Variants in CBLB observed in about 807,000 individuals in gnomAD.
CBLB encodes Cbl proto-oncogene B.
CBLB carries 31 observed loss-of-function variants against 104.9 expected under a neutral mutation model. The ratio of observed to expected loss-of-function variants is 0.30; its 90% CI spans 0.22 to 0.40. The LOEUF is 0.40. Ranked by LOEUF, CBLB falls within the 10% of genes least tolerant of loss-of-function variation. CBLB has a pLI of 1.00. For synonymous variants in CBLB, 440 were observed against 422.6 expected (o/e 1.04, Z -0.51); for missense variants, 1,062 against 1,214.6 (o/e 0.87, Z 1.87).
At chr3:105,830,449 G>A (rs567368525) in intron 3 of CBLB, among the ~76,000 whole-genome samples, 59 of 152,194 alleles carry the variant, frequency 3.9e-4, no homozygotes, top group East Asian at 3.1e-3. Flanking sequence ...TTGGTAACCC[G>A]GATACAGAAT....
chr3:105,799,904 T>A (rs2082646317), intron 3 of CBLB, among the ~76,000 whole-genome samples: 1 of 152,220 alleles, frequency 6.6e-6, no homozygotes, highest in Non-Finnish European at 1.5e-5. Context: ...ATCTTAGTCA[T>A]GTCCTTTCAT....
chr3:105,664,710 G>T (rs2064177101), intron 18 of CBLB, among the ~76,000 whole-genome samples: 1 of 152,192 alleles, frequency 6.6e-6, no homozygotes, highest in South Asian at 2.1e-4. Context: ...GAGAACCAGA[G>T]ATCGATTTCG....
At chr3:105,791,061 T>A (rs2081576150) in intron 3 of CBLB, among the ~76,000 whole-genome samples, 1 of 152,192 alleles carries the variant, frequency 6.6e-6, no homozygotes, top group African/African-American at 2.4e-5. Flanking sequence ...ATTTAATCAT[T>A]AGGAATTCTT....
intron 3 of CBLB, among the ~76,000 whole-genome samples, chr3:105,832,020 GAAATTTT>G (rs1056021186): frequency 2.4e-4 from 37 of 151,898 alleles, no homozygotes; most frequent in African/African-American, 8.7e-4. Flanking sequence ...GATACAACAG[GAAATTTT>G]AAAAAAAAAT....
chr3:105,709,784 C>T (rs937601949), intron 10 of CBLB, among the ~76,000 whole-genome samples: 3 of 151,744 alleles, frequency 2.0e-5, no homozygotes, highest in South Asian at 2.1e-4. Context: ...GACATGTAAC[C>T]GTGTCGAATT....
chr3:105,827,241 C>T (rs199828175), intron 3 of CBLB, among the ~76,000 whole-genome samples: 3 of 151,292 alleles, frequency 2.0e-5, no homozygotes, highest in Admixed American at 6.6e-5. Context: ...GAGTAAATGA[C>T]GTAAGTAACC....
chr3:105,708,545 T>A (rs1373386766), intron 10 of CBLB, among the ~76,000 whole-genome samples: 1 of 151,776 alleles, frequency 6.6e-6, no homozygotes, highest in Non-Finnish European at 1.5e-5. Context: ...AAAGAACAAT[T>A]TTTTTTTGCA....
rs1434340743 is a variant in CBLB at position 105,702,297 on chromosome 3, G to A, written c.1756C>T (p.Pro586Ser). The A allele has an allele frequency of 7.4e-6, 12 of 1,613,844 alleles. No homozygotes were observed. The highest frequency in any genetic ancestry group is 2.2e-5 in the East Asian group (1 of 44,862). ...HHVESVPSRD[P>S]PMPLEAWCPR... ...CACCATGCTTCAAGAGGCATTGGCG[G>A]GTCTCTGGAAGGCACGCTTTCCACA... Residue 586 changes from proline (P) to serine (S), a missense_variant, in exon 12 of 19, where the codon CCG becomes TCG. By Grantham distance (74) the Pro-to-Ser change is moderately conservative (BLOSUM62 -1). Coordinates refer to ENST00000394030, the MANE Select transcript of CBLB (RefSeq NM_170662.5).
chr3:105,681,998 GTAAA>G (rs2066379237), intron 14 of CBLB, 180 bp from the exon 15 acceptor site: 4 of 590,336 alleles, frequency 6.8e-6, no homozygotes, highest in Middle Eastern at 9.1e-4. Flanking sequence ...AAATGTAGAA[GTAAA>G]TATCTCAAGT....
chr3:105,745,172 C>T (rs955134139), intron 6 of CBLB, among the ~76,000 whole-genome samples: 1 of 152,190 alleles, frequency 6.6e-6, no homozygotes, highest in East Asian at 1.9e-4. Context: ...ACTCAGCATA[C>T]TGCCTGCCAT....
chr3:105,718,368 C>T (rs1455750070), intron 10 of CBLB, among the ~76,000 whole-genome samples: 2 of 152,052 alleles, frequency 1.3e-5, no homozygotes, highest in African/African-American at 4.8e-5. Context: ...GTGATGTTAA[C>T]ATATCTTCCT....
chr3:105,737,256 TA>T lies in CBLB; in HGVS notation c.985del (p.Tyr329IlefsTer13). ...ATAACTCCTCCCATCAGGATAAAGA[TA>T]ACTGAATTTAAACAGAAACTTTATT... is the stretch of plus-strand genomic sequence containing the variant. ...ALIDGSREGFYLYPDGRSYNP... is the reference protein window; with the variant it reads ...ALIDGSREGFXLYPDGRSYNP... On this transcript the variant is annotated frameshift_variant and splice_region_variant, in exon 8 of 19. Coordinates refer to ENST00000394030, the MANE Select transcript of CBLB (RefSeq NM_170662.5). LOFTEE classifies it high-confidence loss of function. The T allele has an allele frequency of 6.7e-7, 1 of 1,495,868 alleles. No individual in the cohort carries two copies. Among genetic ancestry groups the T allele is most frequent in the Non-Finnish European group, 9.3e-7 (1 of 1,079,460 alleles). The allele number at this position is 1,495,868 out of a possible 1,614,324, so 92.7% of individuals were successfully genotyped here. A position where few individuals can be genotyped will look rare whatever the true frequency, so the allele number is the denominator to read the frequency against.
intron 2 of CBLB, among the ~76,000 whole-genome samples, chr3:105,856,873 A>G (rs541656313): frequency 1.4e-4 from 22 of 152,318 alleles, no homozygotes; most frequent in African/African-American, 5.1e-4. Flanking sequence ...TCTGCCCTAA[A>G]GATTAAGTCC....
chr3:105,683,998 A>G (rs892191662), intron 14 of CBLB, among the ~76,000 whole-genome samples: 6 of 152,268 alleles, frequency 3.9e-5, no homozygotes, highest in Admixed American at 1.3e-4. Context: ...TACCTCAGTG[A>G]GATGCCTGAA....
intron 10 of CBLB, among the ~76,000 whole-genome samples, chr3:105,714,780 T>C (rs1481449459): frequency 6.6e-6 from 1 of 152,194 alleles, no homozygotes; most frequent in African/African-American, 2.4e-5. Context: ...TCACACTTAT[T>C]AGGAAATGCA....
chr3:105,861,547 A>T (rs1577976095), intron 2 of CBLB, among the ~76,000 whole-genome samples: 1 of 151,540 alleles, frequency 6.6e-6, no homozygotes, highest in East Asian at 1.9e-4. Context: ...TCCCTCCCAC[A>T]GTTTAATCTA....
chr3:105,732,587 T>C (rs1413020898), intron 9 of CBLB, among the ~76,000 whole-genome samples: 1 of 152,140 alleles, frequency 6.6e-6, no homozygotes, highest in Non-Finnish European at 1.5e-5. Context: ...AAATCAACTG[T>C]AATTCATTTC....
chr3:105,821,153 T>C (rs1006138232), intron 3 of CBLB, among the ~76,000 whole-genome samples: 2 of 152,212 alleles, frequency 1.3e-5, no homozygotes, highest in Non-Finnish European at 2.9e-5. Flanking sequence ...GTACTTGTTC[T>C]GTCCCTTACA....
At chr3:105,726,903 T>C (rs1559978470) in intron 9 of CBLB, among the ~76,000 whole-genome samples, 1 of 152,224 alleles carries the variant, frequency 6.6e-6, no homozygotes, top group African/African-American at 2.4e-5. Context: ...TATGGCTGCA[T>C]AGTATTCCAT....
Sources: gnomAD v4.1 joint callset for allele counts (sites outside exome capture counted in the v4.1 genomes callset) on GRCh38, gnomAD v4.1.1 for gene constraint, MANE v1.5 for transcripts, NCBI Gene and HGNC (gene_info 2026-07-23, HGNC 2026-07-21) for gene names.